The following C2orf68 variants were observed in gnomAD, a reference collection of about 807,000 sequenced individuals.
The protein encoded by C2orf68 is UPF0561 protein C2orf68.
In C2orf68, 15 loss-of-function variants were observed where a neutral mutation model predicts 19.1. The observed-to-expected ratio is 0.79, with a 90% CI of 0.53 to 1.21. C2orf68 has a LOEUF of 1.21. Ranked by LOEUF, C2orf68 falls within the 50% of genes most tolerant of loss-of-function variation. The probability of loss-of-function intolerance (pLI) is 0.00; values close to 1 mark genes in which losing one functional copy is unlikely to be tolerated. For synonymous variants in C2orf68, 98 were observed against 91.0 expected (o/e 1.08, Z -0.44); for missense variants, 242 against 226.6 (o/e 1.07, Z -0.44).
chr2:85,611,851 C>A, intron 1 of C2orf68, 27 bp downstream of exon 1: 1 of 1,597,448 alleles, frequency 6.3e-7, no homozygotes, highest in Middle Eastern at 1.7e-4. Flanking sequence ...GGAGTGGTGG[C>A]GGCGGCGGCG....
Position 85,611,656 on chromosome 2 carries a change from G to C in C2orf68, c.226+12C>G. The C allele has an allele frequency of 6.4e-7, 1 of 1,559,304 alleles. No individual in the cohort carries two copies. The highest frequency in any genetic ancestry group is 1.2e-5 in the South Asian group (1 of 85,404). On this transcript the variant is annotated intron_variant, in intron 2 of 3. Coordinates refer to ENST00000306336, the MANE Select transcript of C2orf68 (RefSeq NM_001013649.4). The stretch of plus-strand genomic sequence containing the variant: ...CGCGCGGGCTGGAGGCAGGCGGGGC[G>C]GGCGGCCTCACCTCGGTGTCGCGGC...
In C2orf68 at chr2:85,608,834, T is replaced by A; in HGVS notation, c.*111A>T. 6.8e-7 allele frequency: 1 copy of A among 1,463,976 alleles called. No individual in the cohort carries two copies. Among genetic ancestry groups the A allele is most frequent in the South Asian group, 1.3e-5 (1 of 77,664 alleles). 90.7% of individuals were successfully genotyped at this position (1,463,976 alleles called of 1,614,324 possible). ...CAACACCCTATGGATGCAGCAGCTC[T>A]GGGGGTCTCAAGATCAGACAAACTG... On this transcript the variant is annotated 3_prime_UTR_variant, in exon 4 of 4. Coordinates refer to ENST00000306336, the MANE Select transcript of C2orf68 (RefSeq NM_001013649.4).
In C2orf68 at chr2:85,611,966, G is replaced by C; in HGVS notation, c.19C>G (p.Pro7Ala). Reference protein sequence around the residue: MEAGPHPRPGHCCKPGG... With the variant: MEAGPHARPGHCCKPGG... ...GGCTTGCAGCAGTGCCCCGGCCGGG[G>C]ATGCGGCCCCGCCTCCATCAGGAGC... The change falls in exon 1 of 4, where the codon CCC becomes GCC. Residue 7 changes from proline (P) to alanine (A), a missense_variant. Physicochemically the swap from Pro to Ala is conservative, Grantham distance 27 (BLOSUM62 -1). Transcript: ENST00000306336. The C allele has an allele frequency of 6.5e-7, 1 of 1,539,722 alleles. No individual in the cohort carries two copies. The highest frequency in any genetic ancestry group is 8.7e-7 in the Non-Finnish European group (1 of 1,154,638).
Position 85,611,663 on chromosome 2 carries a change from C to T in C2orf68, c.226+5G>A, listed in dbSNP as rs1442833519. On this transcript the variant is annotated splice_donor_5th_base_variant and intron_variant, in intron 2 of 3. Coordinates refer to ENST00000306336, the MANE Select transcript of C2orf68 (RefSeq NM_001013649.4). ...GCTGGAGGCAGGCGGGGCGGGCGGCCTCACCTCGGTGTCGCGGCAGGTACA... is the reference window on the plus strand; with the variant it reads ...GCTGGAGGCAGGCGGGGCGGGCGGCTTCACCTCGGTGTCGCGGCAGGTACA... 4 of 1,557,532 alleles carry T rather than the reference C, an allele frequency of 2.6e-6. No homozygotes were observed. Among genetic ancestry groups the T allele is most frequent in the Non-Finnish European group, 3.5e-6 (4 of 1,151,162 alleles).
intron 2 of C2orf68, among the ~76,000 whole-genome samples, chr2:85,610,035 G>C (rs186411008): frequency 8.0e-6 from 1 of 124,236 alleles, no homozygotes; most frequent in Non-Finnish European, 1.6e-5. Flanking sequence ...TTTTTTTTGA[G>C]ACGGAGTCTT....
chr2:85,611,844 G>A (rs774783380), intron 1 of C2orf68, 34 bp downstream of exon 1: 4 of 1,601,228 alleles, frequency 2.5e-6, no homozygotes, highest in Non-Finnish European at 3.4e-6. Flanking sequence ...CAGGCCAGGA[G>A]TGGTGGCGGC....
intron 2 of C2orf68, among the ~76,000 whole-genome samples, chr2:85,609,840 C>A (rs1043801010): frequency 6.6e-6 from 1 of 151,916 alleles, no homozygotes; most frequent in Non-Finnish European, 1.5e-5. Context: ...GCCACCACAT[C>A]CAGCTAATTT....
At chr2:85,610,280 G>C (rs1178471089) in intron 2 of C2orf68, 1 of 152,272 alleles carries the variant, frequency 6.6e-6, no homozygotes, top group Admixed American at 6.5e-5. Context: ...CTCCCAAACT[G>C]CTAGGATCAC....
In C2orf68 at chr2:85,607,065, G is replaced by A. The variant is rs1372671952; in HGVS notation, c.*1880C>T. 1 of 152,132 alleles carries A rather than the reference G, an allele frequency of 6.6e-6. No homozygotes were observed. The highest frequency in any genetic ancestry group is 1.5e-5 in the Non-Finnish European group (1 of 68,034). The allele number at this position is 152,132 out of a possible 1,614,324, so 9.4% of individuals were successfully genotyped here. ...CCCTACCTCTTCCTTTACTTAATAA[G>A]AATGCGGTCTAAATTTTCAGGTGCC... is the stretch of plus-strand genomic sequence containing the variant. On this transcript the variant is annotated 3_prime_UTR_variant, in exon 4 of 4. Coordinates refer to ENST00000306336, the MANE Select transcript of C2orf68 (RefSeq NM_001013649.4).
At position 85,608,570 on chromosome 2, in the gene C2orf68, T is replaced by C. The variant is rs1381884854; in HGVS notation, c.*375A>G. 1.7e-5 allele frequency: 3 copies of C among 174,278 alleles called. No individual in the cohort carries two copies. The highest frequency in any genetic ancestry group is 2.4e-5 in the African/African-American group (1 of 42,288). The allele number at this position is 174,278 out of a possible 1,614,324, so 10.8% of individuals were successfully genotyped here. A position where few individuals can be genotyped will look rare whatever the true frequency, so the allele number is the denominator to read the frequency against. On this transcript the variant is annotated 3_prime_UTR_variant, in exon 4 of 4. Transcript: ENST00000306336. Reference sequence around the variant, plus strand: ...AACATAAAATAACAAACGTGGCTCATGGAGCTGAGTGGAACAGCAGCAGCC... The same window carrying C: ...AACATAAAATAACAAACGTGGCTCACGGAGCTGAGTGGAACAGCAGCAGCC...
intron 2 of C2orf68, 113 bp from the exon 3 acceptor site, chr2:85,609,699 T>C (rs1673381236): frequency 3.6e-6 from 5 of 1,377,142 alleles, no homozygotes; most frequent in Middle Eastern, 2.6e-4. Flanking sequence ...TTCTTTTTTT[T>C]GAGACGAAGT....
At position 85,609,557 on chromosome 2, in the gene C2orf68, A is replaced by C. The variant is rs1205908833; in HGVS notation, c.256T>G (p.Tyr86Asp). Reference sequence around the variant, plus strand: ...CTGCTGCTTTCACCGGACTCTTCATAGTCTGGGTTGCGTGGGTGGGCAGAG... The same window carrying C: ...CTGCTGCTTTCACCGGACTCTTCATCGTCTGGGTTGCGTGGGTGGGCAGAG... ...DVSAHPRNPD[Y>D]EESGESSSSG... Residue 86 changes from tyrosine to aspartate, a missense_variant, in exon 3 of 4, where the codon TAT (tyrosine) becomes GAT (aspartate). Tyr to Asp is a radical substitution (Grantham distance 160, BLOSUM62 -3). Coordinates refer to ENST00000306336, the MANE Select transcript of C2orf68 (RefSeq NM_001013649.4). 1.2e-6 allele frequency: 2 copies of C among 1,614,212 alleles called. No individual in the cohort carries two copies. Among genetic ancestry groups the C allele is most frequent in the South Asian group, 1.1e-5 (1 of 91,088 alleles).
At position 85,607,476 on chromosome 2, in the gene C2orf68, C is replaced by A. The variant is rs1311909967; in HGVS notation, c.*1469G>T. Reference sequence around the variant, plus strand: ...CTTAACCTTGACCAGCTCTGTAGGTCTGGAGCATTCTGGTCCCTGGCCGCT... The same window carrying A: ...CTTAACCTTGACCAGCTCTGTAGGTATGGAGCATTCTGGTCCCTGGCCGCT... On this transcript the variant is annotated 3_prime_UTR_variant, in exon 4 of 4. Coordinates refer to ENST00000306336, the MANE Select transcript of C2orf68 (RefSeq NM_001013649.4). 6.6e-6 allele frequency: 1 copy of A among 152,240 alleles called. No homozygotes were observed. The highest frequency in any genetic ancestry group is 1.5e-5 in the Non-Finnish European group (1 of 68,048). 9.4% of individuals were successfully genotyped at this position (152,240 alleles called of 1,614,324 possible).
chr2:85,611,964 G>T lies in C2orf68; in HGVS notation c.21C>A (p.Pro7=). The T allele has an allele frequency of 6.5e-7, 1 of 1,545,288 alleles. No individual in the cohort carries two copies. MEAGPH[P]RPGHCCKPGG... is the part of the protein sequence containing the mutation. Reference sequence around the variant, plus strand: ...CAGGCTTGCAGCAGTGCCCCGGCCGGGGATGCGGCCCCGCCTCCATCAGGA... The same window carrying T: ...CAGGCTTGCAGCAGTGCCCCGGCCGTGGATGCGGCCCCGCCTCCATCAGGA... Residue 7 remains proline (P), a synonymous_variant, in exon 1 of 4, where the codon CCC becomes CCA. Coordinates refer to ENST00000306336, the MANE Select transcript of C2orf68 (RefSeq NM_001013649.4).
At position 85,607,795 on chromosome 2, in the gene C2orf68, T is replaced by C. The variant is rs1010657587; in HGVS notation, c.*1150A>G. 1 of 152,214 alleles carries C rather than the reference T, an allele frequency of 6.6e-6. No homozygotes were observed. 9.4% of individuals were successfully genotyped at this position (152,214 alleles called of 1,614,324 possible). On this transcript the variant is annotated 3_prime_UTR_variant, in exon 4 of 4. Coordinates refer to ENST00000306336, the MANE Select transcript of C2orf68 (RefSeq NM_001013649.4). ...GCTGATATGCTGGAAAACAAGTGCCTTGGAACTTCCGTACTGGAGGGGGAG... is the reference window on the plus strand; with the variant it reads ...GCTGATATGCTGGAAAACAAGTGCCCTGGAACTTCCGTACTGGAGGGGGAG...
rs756598972 is a variant in C2orf68 at position 85,609,496 on chromosome 2, T to C, written c.317A>G (p.Gln106Arg). 1.5e-5 allele frequency: 25 copies of C among 1,614,104 alleles called. No homozygotes were observed. Among genetic ancestry groups the C allele is most frequent in the Admixed American group, 8.3e-5 (5 of 60,008 alleles). ...TGCCTCGTATTCTAAGCAGAAGAGC[T>C]GATGGCCAGAAGGCTCCAGCTCAGA... ...GGSELEPSGH[Q>R]LFCLEYEADS... The change falls in exon 3 of 4, where the codon CAG becomes CGG. Residue 106 changes from glutamine (Q) to arginine (R), a missense_variant. Coordinates refer to ENST00000306336, the MANE Select transcript of C2orf68 (RefSeq NM_001013649.4).
chr2:85,609,361 A>C lies in C2orf68; in HGVS notation c.378+74T>G, dbSNP rs139096231. 959 of 1,554,046 alleles carry C rather than the reference A, an allele frequency of 6.2e-4. 5 individuals are homozygous for C. Among genetic ancestry groups the C allele is most frequent in the East Asian group, 3.1e-3 (136 of 44,300 alleles). Reference sequence around the variant, plus strand: ...TCCCATTGGGGGTCCTGAGGAAAACAGGGCTCAGGGTCTGACAATGATTAC... The same window carrying C: ...TCCCATTGGGGGTCCTGAGGAAAACCGGGCTCAGGGTCTGACAATGATTAC... On this transcript the variant is annotated intron_variant, in intron 3 of 3. Coordinates refer to ENST00000306336, the MANE Select transcript of C2orf68 (RefSeq NM_001013649.4).
At position 85,605,800 on chromosome 2, in the gene C2orf68, A is replaced by G. The variant is rs1277785329; in HGVS notation, c.*3145T>C. ...GGTTCCTCCCACCTGGATGGGGCCA[A>G]TCTCTAGTTGACAGTGCCCCTCAGA... On this transcript the variant is annotated 3_prime_UTR_variant, in exon 4 of 4. Transcript: ENST00000306336. Among the ~76,000 whole-genome samples the G allele has an allele frequency of 6.6e-6, 1 of 152,214 alleles. No homozygotes were observed.
At chr2:85,609,238 C>T (rs1432854287) in intron 3 of C2orf68, among the ~76,000 whole-genome samples, 171 bp from the exon 4 acceptor site, 1 of 152,228 alleles carries the variant, frequency 6.6e-6, no homozygotes, top group Non-Finnish European at 1.5e-5. Flanking sequence ...GGCCAAGAGC[C>T]CTCCCTGTTC....
Sources: gnomAD v4.1 joint callset for allele counts (sites outside exome capture counted in the v4.1 genomes callset) on GRCh38, gnomAD v4.1.1 for gene constraint, MANE v1.5 for transcripts, NCBI Gene and HGNC (gene_info 2026-07-23, HGNC 2026-07-21) for gene names.